MGMT: variants seen among roughly 807,000 people sequenced by gnomAD.
The protein encoded by MGMT is O-6-methylguanine-DNA methyltransferase.
MGMT carries 14 observed loss-of-function variants against 15.9 expected under a neutral mutation model. The ratio of observed to expected loss-of-function variants is 0.88; its 90% CI spans 0.58 to 1.37. MGMT has a LOEUF of 1.37. Among genes scored for constraint, MGMT ranks in the 40% most tolerant of loss-of-function variants. The pLI, the probability that MGMT is intolerant of heterozygous loss-of-function variation, is 0.00. For synonymous variants in MGMT, 130 were observed against 118.2 expected (o/e 1.10, Z -0.65); for missense variants, 282 against 268.1 (o/e 1.05, Z -0.36).
intron 3 of MGMT, among the ~76,000 whole-genome samples, chr10:129,726,744 C>T (rs1177111669): frequency 1.3e-5 from 2 of 152,186 alleles, no homozygotes; most frequent in Non-Finnish European, 2.9e-5. Flanking sequence ...TCCCCTACTC[C>T]ATAATATGGT....
chr10:129,494,978 A>G (rs922888460), intron 1 of MGMT, among the ~76,000 whole-genome samples: 8 of 152,234 alleles, frequency 5.3e-5, no homozygotes, highest in Admixed American at 2.0e-4. Flanking sequence ...CTAAAAAGAT[A>G]AAATAGGCTG....
intron 2 of MGMT, chr10:129,702,199 T>C (rs1848107327): frequency 6.6e-6 from 1 of 152,108 alleles, no homozygotes. Flanking sequence ...TGTTGTCCGG[T>C]TTGATTTTAA....
chr10:129,709,317 G>A (rs1848204134), intron 3 of MGMT, among the ~76,000 whole-genome samples: 1 of 152,222 alleles, frequency 6.6e-6, no homozygotes. Context: ...AGCGCCACAA[G>A]CCAGTGAGCC....
At chr10:129,618,645 T>C (rs1044674577) in intron 2 of MGMT, among the ~76,000 whole-genome samples, 1 of 152,086 alleles carries the variant, frequency 6.6e-6, no homozygotes, top group Non-Finnish European at 1.5e-5. Flanking sequence ...ATATTTGTTT[T>C]CTTTGATACA....
chr10:129,530,026 G>A (rs542402316), intron 1 of MGMT, among the ~76,000 whole-genome samples: 6 of 152,056 alleles, frequency 3.9e-5, no homozygotes, highest in East Asian at 3.9e-4. Context: ...TCAGCCTCCC[G>A]AGTAGCTGGA....
Position 129,501,288 on chromosome 10 carries a change from G to A in MGMT, c.-13+33992G>A, listed in dbSNP as rs185503516. Among the ~76,000 whole-genome samples, 19 of 152,276 alleles carry A rather than the reference G, an allele frequency of 1.2e-4. 1 individual carries two copies. The highest frequency in any genetic ancestry group is 1.0e-3 in the Admixed American group (16 of 15,300). On this transcript the variant is annotated intron_variant, in intron 1 of 4. Coordinates refer to ENST00000651593, the MANE Select transcript of MGMT (RefSeq NM_002412.5). ...CTCTCAGAGCTACCCTGCCTCCTGC[G>A]GGGGTGGGGGAGGATGCCTTTATTA...
At chr10:129,570,848 G>C (rs1846409662) in intron 2 of MGMT, among the ~76,000 whole-genome samples, 1 of 152,132 alleles carries the variant, frequency 6.6e-6, no homozygotes, top group African/African-American at 2.4e-5. Context: ...TTCTATAAGG[G>C]CCTGAGGGCC....
At chr10:129,492,243 GGTCTCTTT>G (rs1295936920) in intron 1 of MGMT, among the ~76,000 whole-genome samples, 1 of 152,032 alleles carries the variant, frequency 6.6e-6, no homozygotes, top group Non-Finnish European at 1.5e-5. Flanking sequence ...GGAAGCCCAT[GGTCTCTTT>G]CTCCTCAGCC....
intron 2 of MGMT, among the ~76,000 whole-genome samples, chr10:129,624,671 A>G (rs1179690892): frequency 6.6e-6 from 1 of 152,220 alleles, no homozygotes; most frequent in African/African-American, 2.4e-5. Flanking sequence ...CAAGCAGGAC[A>G]TAACTCGTAG....
intron 3 of MGMT, among the ~76,000 whole-genome samples, chr10:129,723,320 T>C (rs150377395): frequency 3.3e-5 from 5 of 152,290 alleles, no homozygotes; most frequent in African/African-American, 9.6e-5. Context: ...GTCATTCTTA[T>C]GTCTTTACCT....
chr10:129,560,260 T>C (rs889803496), intron 2 of MGMT, among the ~76,000 whole-genome samples: 2 of 152,208 alleles, frequency 1.3e-5, no homozygotes, highest in Non-Finnish European at 2.9e-5. Context: ...ATTCAAGGAA[T>C]TGCTTTACCT....
At chr10:129,747,207 C>T (rs1055709666) in intron 3 of MGMT, among the ~76,000 whole-genome samples, 2 of 152,140 alleles carry the variant, frequency 1.3e-5, no homozygotes, top group Non-Finnish European at 2.9e-5. Context: ...GGTATTTTCC[C>T]ATAGACAATT....
chr10:129,568,299 G>T (rs570853512), intron 2 of MGMT, among the ~76,000 whole-genome samples: 1 of 152,292 alleles, frequency 6.6e-6, no homozygotes, highest in South Asian at 2.1e-4. Context: ...TGACAGGGGA[G>T]CAGGTTTACA....
intron 1 of MGMT, among the ~76,000 whole-genome samples, chr10:129,507,321 C>A (rs911824357): frequency 2.2e-4 from 33 of 152,306 alleles, no homozygotes; most frequent in African/African-American, 7.7e-4. Flanking sequence ...AGATGGAGGA[C>A]AAGGCCTCTG....
intron 2 of MGMT, among the ~76,000 whole-genome samples, chr10:129,578,006 T>C (rs868538942): frequency 1.3e-5 from 2 of 152,184 alleles, no homozygotes; most frequent in South Asian, 2.1e-4. Flanking sequence ...CCAGTTAGAA[T>C]GGCAATCATT....
chr10:129,648,450 T>G (rs995441921), intron 2 of MGMT, among the ~76,000 whole-genome samples: 13 of 152,192 alleles, frequency 8.5e-5, no homozygotes, highest in African/African-American at 2.7e-4. Flanking sequence ...ATTTTTATGT[T>G]GAAAGTAATT....
Position 129,533,067 on chromosome 10 carries a change from A to T in MGMT, c.-12-3174A>T, listed in dbSNP as rs1845949994. Among the ~76,000 whole-genome samples the T allele has an allele frequency of 6.6e-6, 1 of 152,206 alleles. No individual in the cohort carries two copies. Among genetic ancestry groups the T allele is most frequent in the Non-Finnish European group, 1.5e-5 (1 of 68,036 alleles). On this transcript the variant is annotated intron_variant, in intron 1 of 4. Transcript: ENST00000651593. This position sits in a 1 kb window ranked among gnomAD's most constrained non-coding sequence, Gnocchi z 4.5. Reference sequence around the variant, plus strand: ...ACGGAGGCAGAGCAGCCGAGAATCAACGGTGGCCATAGCCACCACATCCTG... The same window carrying T: ...ACGGAGGCAGAGCAGCCGAGAATCATCGGTGGCCATAGCCACCACATCCTG...
In MGMT at chr10:129,553,984, T is replaced by C. The variant is rs956718044; in HGVS notation, c.125+17607T>C. On this transcript the variant is annotated intron_variant, in intron 2 of 4. Coordinates refer to ENST00000651593, the MANE Select transcript of MGMT (RefSeq NM_002412.5). ...GAGGAAGACTCTCCCGGCTCCCCAG[T>C]CTGCGGACACAGTTGTGTGAATGTG... Among the ~76,000 whole-genome samples the C allele has an allele frequency of 3.9e-5, 6 of 152,300 alleles. No individual in the cohort carries two copies. In the South Asian group the frequency reaches 1.0e-3, roughly 26 times the overall value.
At chr10:129,714,000 C>A (rs1402982545) in intron 3 of MGMT, among the ~76,000 whole-genome samples, 2 of 152,254 alleles carry the variant, frequency 1.3e-5, no homozygotes, top group Non-Finnish European at 2.9e-5. Context: ...TCACCTCCAG[C>A]CCCTCAGCAG....
Sources: allele counts gnomAD v4.1 joint callset (sites outside exome capture counted in the v4.1 genomes callset), GRCh38; gene constraint gnomAD v4.1.1; non-coding constraint Gnocchi (gnomAD v3.1); transcripts MANE v1.5; gene names NCBI Gene and HGNC (gene_info 2026-07-23, HGNC 2026-07-21).